SAR1B: variants seen among roughly 807,000 people sequenced by gnomAD.
SAR1B encodes the protein secretion associated Ras related GTPase 1B.
A neutral mutation model predicts 26.8 loss-of-function variants in SAR1B; 23 were observed. The observed-to-expected ratio is 0.86, with a 90% CI of 0.62 to 1.22. SAR1B has a LOEUF of 1.22. SAR1B is among the 50% of genes most tolerant of loss of function. The probability of loss-of-function intolerance (pLI) is 0.00; values close to 1 mark genes in which losing one functional copy is unlikely to be tolerated. For synonymous variants in SAR1B, 65 were observed against 80.8 expected, an observed-to-expected ratio of 0.80 and a Z score of 1.05; for missense variants, 196 against 232.8, an observed-to-expected ratio of 0.84 and a Z score of 1.03.
chr5:134,615,518 A>G (rs946984324), intron 3 of SAR1B, among the ~76,000 whole-genome samples: 3 of 149,682 alleles, frequency 2.0e-5, no homozygotes, highest in African/African-American at 7.4e-5. Flanking sequence ...CTGTCTGAAA[A>G]TAAGAAGAAA....
chr5:134,612,686 C>G lies in SAR1B; in HGVS notation c.244+5G>C. ...AAAAAAAAAAAAAAAAAAAAAGAAT[C>G]TTACCTTGAACATGTCCACCCAGAT... is the stretch of plus-strand genomic sequence containing the variant. On this transcript the variant is annotated splice_donor_5th_base_variant and intron_variant, in intron 4 of 6. Coordinates refer to ENST00000402673, the MANE Select transcript of SAR1B (RefSeq NM_016103.4). 5.3e-6 allele frequency: 2 copies of G among 375,132 alleles called. No individual in the cohort carries two copies. Among genetic ancestry groups the G allele is most frequent in the Non-Finnish European group, 9.5e-6 (2 of 211,426 alleles). The allele number at this position is 375,132 out of a possible 1,614,324, so 23.2% of individuals were successfully genotyped here. A position where few individuals can be genotyped will look rare whatever the true frequency, so the allele number is the denominator to read the frequency against.
intron 1 of SAR1B, among the ~76,000 whole-genome samples, chr5:134,627,349 C>T (rs1265888306): frequency 6.6e-6 from 1 of 151,384 alleles, no homozygotes; most frequent in African/African-American, 2.4e-5. Flanking sequence ...CCGCGCCCCG[C>T]CACTTTTTAT....
At chr5:134,626,270 G>A (rs1412018215) in intron 1 of SAR1B, among the ~76,000 whole-genome samples, 1 of 113,380 alleles carries the variant, frequency 8.8e-6, no homozygotes, top group African/African-American at 3.4e-5. Flanking sequence ...CTGCACCACA[G>A]CCTGGGCCAC....
rs2150047796 is a variant in SAR1B, at chr5:134,603,429, C to G, written c.*3521G>C. On this transcript the variant is annotated 3_prime_UTR_variant, in exon 7 of 7. Transcript: ENST00000402673. ...AAATAATTTTCTAGAATGCAAGAAACACTATTATCACAGTTATCACCCTAT... is the reference window on the plus strand; with the variant it reads ...AAATAATTTTCTAGAATGCAAGAAAGACTATTATCACAGTTATCACCCTAT... The G allele has an allele frequency of 6.6e-6, 1 of 152,322 alleles. No homozygotes were observed. Among genetic ancestry groups the G allele is most frequent in the South Asian group, 2.1e-4 (1 of 4,832 alleles). 9.4% of individuals were successfully genotyped at this position (152,322 alleles called of 1,614,324 possible).
intron 3 of SAR1B, among the ~76,000 whole-genome samples, chr5:134,620,343 G>A (rs1277810320): frequency 6.6e-6 from 1 of 151,966 alleles, no homozygotes; most frequent in Non-Finnish European, 1.5e-5. Flanking sequence ...TTCAGGTTAT[G>A]TAAACAAGGC....
chr5:134,627,010 C>T (rs543060354), intron 1 of SAR1B, among the ~76,000 whole-genome samples: 2 of 152,020 alleles, frequency 1.3e-5, no homozygotes, highest in African/African-American at 2.4e-5. Flanking sequence ...GCTTATATGG[C>T]ATTTAATATT....
At chr5:134,615,568 C>G (rs1236113403) in intron 3 of SAR1B, among the ~76,000 whole-genome samples, 5 of 151,856 alleles carry the variant, frequency 3.3e-5, no homozygotes, top group Admixed American at 2.6e-4. Context: ...GTAATCCCAG[C>G]ACTTTGGGAG....
chr5:134,608,600 C>T (rs1765168050), intron 5 of SAR1B, 97 bp from the exon 6 acceptor site: 1 of 1,266,590 alleles, frequency 7.9e-7, no homozygotes, highest in African/African-American at 1.5e-5. Flanking sequence ...CATTTTCTAC[C>T]ATATCATGTC....
In SAR1B at chr5:134,623,969, C is replaced by T. The variant is rs375353265; in HGVS notation, c.51G>A (p.Gln17=). The change falls in exon 2 of 7, where the codon CAG becomes CAA. Residue 17 remains glutamine (Q), a synonymous_variant. Coordinates refer to ENST00000402673, the MANE Select transcript of SAR1B (RefSeq NM_016103.4). ...WIYSGFSSVL[Q]FLGLYKKTGK... ...ACAAAGGACCAACATTACCTAAAAACTGTAGCACACTGCTGAAACCACTGT... is the reference window on the plus strand; with the variant it reads ...ACAAAGGACCAACATTACCTAAAAATTGTAGCACACTGCTGAAACCACTGT... 6.2e-7 allele frequency: 1 copy of T among 1,606,360 alleles called. No individual in the cohort carries two copies. Among genetic ancestry groups the T allele is most frequent in the South Asian group, 1.1e-5 (1 of 90,932 alleles).
At position 134,612,672 on chromosome 5, in the gene SAR1B, AAAAAAAAAAGAAT is replaced by A; in HGVS notation, c.244+6_244+18del. The A allele has an allele frequency of 6.0e-6, 7 of 1,158,800 alleles. No homozygotes were observed. Among genetic ancestry groups the A allele is most frequent in the Non-Finnish European group, 8.2e-6 (7 of 851,796 alleles). The allele number at this position is 1,158,800 out of a possible 1,614,324, so 71.8% of individuals were successfully genotyped here. On this transcript the variant is annotated splice_donor_region_variant and intron_variant, in intron 4 of 6. Transcript: ENST00000402673. ...AAAAAAAAAAAAAAAAAAAAAAAAAAAAAAAAAAAGAATCTTACCTTGAACATGTCCACCCAGA... is the reference window on the plus strand; with the variant it reads ...AAAAAAAAAAAAAAAAAAAAAAAAAACTTACCTTGAACATGTCCACCCAGA...
intron 2 of SAR1B, among the ~76,000 whole-genome samples, chr5:134,622,186 C>A (rs936894414): frequency 7.2e-5 from 11 of 152,102 alleles, no homozygotes; most frequent in African/African-American, 2.7e-4. Context: ...ACTCCTTTGT[C>A]CATGCTTAAG....
chr5:134,612,887 A>G (rs1765243871), intron 3 of SAR1B, 131 bp from the exon 4 acceptor site: 1 of 793,432 alleles, frequency 1.3e-6, no homozygotes, highest in East Asian at 2.7e-5. Context: ...CTTCTCTTAG[A>G]AGCAAAATTG....
chr5:134,614,196 T>A (rs1765270057), intron 3 of SAR1B: 1 of 152,232 alleles, frequency 6.6e-6, no homozygotes, highest in African/African-American at 2.4e-5. Context: ...TACTGTATTT[T>A]TCATTTCTAG....
In SAR1B at chr5:134,604,108, T is replaced by G. The variant is rs1765091032; in HGVS notation, c.*2842A>C. 1 of 152,174 alleles carries G rather than the reference T, an allele frequency of 6.6e-6. No homozygotes were observed. The highest frequency in any genetic ancestry group is 6.5e-5 in the Admixed American group (1 of 15,272). The allele number at this position is 152,174 out of a possible 1,614,324, so 9.4% of individuals were successfully genotyped here. On this transcript the variant is annotated 3_prime_UTR_variant, in exon 7 of 7. Transcript: ENST00000402673. ...AAAAATTCACTGAGATAAACTGAAA[T>G]CTATCAATTTAACCAGCTGTGATCC...
intron 3 of SAR1B, among the ~76,000 whole-genome samples, chr5:134,620,295 G>A (rs950863261): frequency 6.6e-6 from 1 of 150,932 alleles, no homozygotes; most frequent in Non-Finnish European, 1.5e-5. Context: ...GACAGAGTGA[G>A]ACTCCACCTC....
At chr5:134,629,170 C>G (rs1382202722) in intron 1 of SAR1B, among the ~76,000 whole-genome samples, 3 of 151,934 alleles carry the variant, frequency 2.0e-5, no homozygotes, top group African/African-American at 7.2e-5. Flanking sequence ...ACCTGTAATC[C>G]CAGCACTTTG....
intron 1 of SAR1B, among the ~76,000 whole-genome samples, chr5:134,627,311 A>G (rs1370726053): frequency 1.3e-5 from 2 of 150,842 alleles, no homozygotes; most frequent in African/African-American, 4.9e-5. Flanking sequence ...TTGGCCTCCC[A>G]AAGTGTTGGG....
intron 1 of SAR1B, among the ~76,000 whole-genome samples, chr5:134,630,896 T>TTTTTTTTTTTTTTTTTTTTTTTTTA (rs1765592637): frequency 7.2e-6 from 1 of 138,746 alleles, no homozygotes; most frequent in Non-Finnish European, 1.6e-5. Context: ...TTTCTTTTTT[T>TTTTTTTTTTTTTTTTTTTTTTTTTA]TTTTTTTTTT....
intron 3 of SAR1B, among the ~76,000 whole-genome samples, chr5:134,619,279 C>T (rs771132261): frequency 2.7e-5 from 4 of 150,430 alleles, no homozygotes; most frequent in Non-Finnish European, 5.9e-5. Flanking sequence ...TGCAGTGAGC[C>T]GAGATCGTGC....
Sources: gnomAD v4.1 joint callset for allele counts (sites outside exome capture counted in the v4.1 genomes callset) on GRCh38, gnomAD v4.1.1 for gene constraint, MANE v1.5 for transcripts, NCBI Gene and HGNC (gene_info 2026-07-23, HGNC 2026-07-21) for gene names.